The following CT45A10 variants were observed in gnomAD, a reference collection of about 807,000 sequenced individuals.
The protein encoded by CT45A10 is cancer/testis antigen family 45 member A10.
In CT45A10, 19 loss-of-function variants were observed where a neutral mutation model predicts 8.3. That is an observed-to-expected ratio of 2.30 (90% confidence interval 1.61 to 3.38). The LOEUF (loss-of-function observed/expected upper bound fraction) is 3.38, where lower values mean the gene tolerates loss of function less well. Ranked by LOEUF, CT45A10 falls within the 30% of genes most tolerant of loss-of-function variation. The pLI, the probability that CT45A10 is intolerant of heterozygous loss-of-function variation, is 0.00. For missense variants in CT45A10, 149 were observed against 85.9 expected, an observed-to-expected ratio of 1.73 and a Z score of -2.90; for synonymous variants, 28 against 26.5, an observed-to-expected ratio of 1.06 and a Z score of -0.17.
At chrX:135,889,573 G>T (rs2088479075) in intron 1 of CT45A10, among the ~76,000 whole-genome samples, 1 of 111,151 alleles carries the variant, frequency 9.0e-6, no homozygotes, top group Non-Finnish European at 1.9e-5. Context: ...AACCCCGACC[G>T]GGCGCAGTGG....
At chrX:135,890,063 A>T (rs2088486294) in intron 1 of CT45A10, among the ~76,000 whole-genome samples, 1 of 112,121 alleles carries the variant, frequency 8.9e-6, no homozygotes. Flanking sequence ...CGACTCTTTC[A>T]CGTGGACCCC....
At chrX:135,883,362 G>A in intron 2 of CT45A10, 106 bp from the exon 3 acceptor site, 1 of 1,173,886 alleles carries the variant, frequency 8.5e-7, no homozygotes, top group Non-Finnish European at 1.1e-6. Flanking sequence ...AAACTGAGAA[G>A]TTGAGCTGTG....
chrX:135,883,289 G>T lies in CT45A10; in HGVS notation c.170-33C>A, dbSNP rs1193656674. 157 of 1,193,731 alleles carry T rather than the reference G, an allele frequency of 1.3e-4. 3 individuals are homozygous for T. Among genetic ancestry groups the T allele is most frequent in the Non-Finnish European group, 1.7e-4 (152 of 884,830 alleles). ...AACAAATTTTGAGTAAAAGCCATCAGTTGGTGTTTGACCACTTTCTTTCCC... is the reference window on the plus strand; with the variant it reads ...AACAAATTTTGAGTAAAAGCCATCATTTGGTGTTTGACCACTTTCTTTCCC... On this transcript the variant is annotated intron_variant, in intron 2 of 4. Transcript: ENST00000682849.
At position 135,882,625 on chromosome X, in the gene CT45A10, A is replaced by C. The variant is rs1460943004; in HGVS notation, c.423T>G (p.Tyr141Ter). Reference sequence around the variant, plus strand: ...CTTCAAGCATTTCGAAGATTTTTTCATATTCTGAAGATGTTGAAAAAAAAA... The same window carrying C: ...CTTCAAGCATTTCGAAGATTTTTTCCTATTCTGAAGATGTTGAAAAAAAAA... Reference protein sequence around the residue: ...VKEIRCLGRKYEKIFEMLEGV... With the variant: ...VKEIRCLGRK Residue 141 changes from tyrosine (Y) to a stop codon, truncating the protein, a stop_gained, in exon 4 of 5, where the codon TAT becomes TAG. Coordinates refer to ENST00000682849, the MANE Select transcript of CT45A10 (RefSeq NM_001291529.2). LOFTEE classifies it high-confidence loss of function. 10 of 1,157,885 alleles carry C rather than the reference A, an allele frequency of 8.6e-6. No homozygotes were observed. The highest frequency in any genetic ancestry group is 1.0e-5 in the Non-Finnish European group (9 of 867,299).
intron 1 of CT45A10, among the ~76,000 whole-genome samples, chrX:135,891,533 T>C (rs1331668685): frequency 9.1e-6 from 1 of 109,885 alleles, no homozygotes; most frequent in Non-Finnish European, 1.9e-5. Context: ...AAAAGCTGAA[T>C]ATGCATATCA....
rs2088406378 is a variant in CT45A10 at position 135,883,146 on chromosome X, C to G, written c.280G>C (p.Val94Leu). The change falls in exon 3 of 5, where the codon GTG (valine) becomes CTG (leucine). Residue 94 changes from valine to leucine, a missense_variant. Physicochemically the swap from Val to Leu is conservative, Grantham distance 32. Coordinates refer to ENST00000682849, the MANE Select transcript of CT45A10 (RefSeq NM_001291529.2). ...AAATTGCTGGTAACGTTTCCTCCCA[C>G]AGGTGCATTGCTACCAGGTTTCTGC... ...MMQKPGSNAP[V>L]GGNVTSNFSG... is the part of the protein sequence containing the mutation. The G allele has an allele frequency of 7.5e-6, 9 of 1,197,361 alleles. No homozygotes were observed. The highest frequency in any genetic ancestry group is 9.0e-6 in the Non-Finnish European group (8 of 885,737).
chrX:135,882,844 A>T (rs2088396231), intron 3 of CT45A10, among the ~76,000 whole-genome samples, 164 bp downstream of exon 3: 1 of 106,434 alleles, frequency 9.4e-6, no homozygotes, highest in Non-Finnish European at 1.9e-5. Flanking sequence ...AGAAAAAGAA[A>T]AAATGTACAT....
chrX:135,882,947 T>G, intron 3 of CT45A10, 61 bp downstream of exon 3: 2 of 1,158,957 alleles, frequency 1.7e-6, no homozygotes, highest in Non-Finnish European at 2.3e-6. Flanking sequence ...GGATATCTTC[T>G]GAATCATAGA....
At chrX:135,887,800 A>C (rs2033171799) in intron 1 of CT45A10, among the ~76,000 whole-genome samples, 1 of 102,693 alleles carries the variant, frequency 9.7e-6, no homozygotes, top group Non-Finnish European at 2.1e-5. Flanking sequence ...ATCAGCAGAG[A>C]AATGCGAGTG....
intron 1 of CT45A10, among the ~76,000 whole-genome samples, chrX:135,891,764 C>A (rs1556590123): frequency 9.0e-6 from 1 of 110,959 alleles, no homozygotes; most frequent in Non-Finnish European, 1.9e-5. Context: ...AGAATCTGTT[C>A]ATCTAAAACA....
chrX:135,891,864 TG>T (rs1286117526), intron 1 of CT45A10, among the ~76,000 whole-genome samples: 1 of 111,662 alleles, frequency 9.0e-6, no homozygotes, highest in African/African-American at 3.3e-5. Context: ...TATGCCTGTG[TG>T]CATGTGTGTA....
intron 1 of CT45A10, among the ~76,000 whole-genome samples, chrX:135,889,477 CA>C (rs10645547): frequency 1.8e-3 from 162 of 88,907 alleles, no homozygotes; most frequent in Non-Finnish European, 1.8e-3. Flanking sequence ...AAGACTCCAT[CA>C]AAAAAAAAAA....
intron 2 of CT45A10, 76 bp from the exon 3 acceptor site, chrX:135,883,332 G>T: frequency 8.4e-7 from 1 of 1,189,518 alleles, no homozygotes; most frequent in Non-Finnish European, 1.1e-6. Flanking sequence ...TAAACCTCAT[G>T]AATGACAGAT....
intron 1 of CT45A10, among the ~76,000 whole-genome samples, chrX:135,887,711 AG>A (rs1204177777): frequency 1.9e-5 from 2 of 107,743 alleles, no homozygotes; most frequent in Admixed American, 9.9e-5. Flanking sequence ...TCTGGGTGAC[AG>A]AGGGAGACCT....
intron 2 of CT45A10, among the ~76,000 whole-genome samples, chrX:135,883,484 C>A (rs1175478727): frequency 9.1e-6 from 1 of 110,171 alleles, no homozygotes; most frequent in African/African-American, 3.3e-5. Context: ...CCAGGCCTGA[C>A]AAACGGAGGC....
intron 1 of CT45A10, among the ~76,000 whole-genome samples, chrX:135,890,977 A>T (rs1434845592): frequency 1.8e-5 from 2 of 111,985 alleles, no homozygotes; most frequent in Non-Finnish European, 3.8e-5. Context: ...GAGGCCAGAA[A>T]CAATCTGGAA....
At position 135,891,024 on chromosome X, in the gene CT45A10, G is replaced by A. The variant is rs913223709; in HGVS notation, c.-7+2321C>T. 2.0e-4 allele frequency among the ~76,000 whole-genome samples: 22 copies of A among 111,846 alleles called. No homozygotes were observed. In the East Asian group the frequency reaches 5.6e-3, roughly 28 times the overall value. Reference sequence around the variant, plus strand: ...CTAGATTTACCACAGGAGAGCTCCTGTAAATCATTGTGGAAAGACTAGTGC... The same window carrying A: ...CTAGATTTACCACAGGAGAGCTCCTATAAATCATTGTGGAAAGACTAGTGC... On this transcript the variant is annotated intron_variant, in intron 1 of 4. Coordinates refer to ENST00000682849, the MANE Select transcript of CT45A10 (RefSeq NM_001291529.2).
chrX:135,883,021 T>C lies in CT45A10; in HGVS notation c.405A>G (p.Arg135=). The stretch of plus-strand genomic sequence containing the variant: ...TACACTACTTACTTCGTCCAAGGCA[T>C]CGGATTTCCTTCACTACTTGACATT... ...DIKCQVVKEI[R]CLGRKYEKIF... Residue 135 remains arginine (R), a synonymous_variant, in exon 3 of 5, where the codon CGA becomes CGG. Transcript: ENST00000682849. 4 of 1,198,571 alleles carry C rather than the reference T, an allele frequency of 3.3e-6. No individual in the cohort carries two copies. The South Asian group carries it at 7.1e-5, about 21-fold the overall frequency.
chrX:135,889,293 C>A, intron 1 of CT45A10: 1 of 120,401 alleles, frequency 8.3e-6, no homozygotes, highest in Non-Finnish European at 1.7e-5. Context: ...CCTGGCTCTA[C>A]AGAGCAACCA....
Sources: allele counts gnomAD v4.1 joint callset (sites outside exome capture counted in the v4.1 genomes callset), GRCh38; gene constraint gnomAD v4.1.1; transcripts MANE v1.5; gene names NCBI Gene and HGNC (gene_info 2026-07-23, HGNC 2026-07-21).